Variants in CNTNAP2 observed in about 807,000 individuals in gnomAD.
The protein encoded by CNTNAP2 is contactin-associated protein-like 2.
CNTNAP2 carries 98 observed loss-of-function variants against 155.2 expected under a neutral mutation model. The ratio of observed to expected loss-of-function variants is 0.63; its 90% CI spans 0.54 to 0.75. CNTNAP2 has a LOEUF of 0.75. CNTNAP2 is among the 30% of genes least tolerant of loss of function. The pLI is 0.00. For synonymous variants in CNTNAP2, 651 were observed against 631.2 expected, an observed-to-expected ratio of 1.03 and a Z score of -0.47; for missense variants, 1,727 against 1,688.1, an observed-to-expected ratio of 1.02 and a Z score of -0.40.
chr7:146,443,677 T>A (rs1045026387), intron 1 of CNTNAP2, among the ~76,000 whole-genome samples: 2 of 152,238 alleles, frequency 1.3e-5, no homozygotes, highest in African/African-American at 2.4e-5. Flanking sequence ...AGCAGAGCTA[T>A]ATTTTATATT....
intron 3 of CNTNAP2, among the ~76,000 whole-genome samples, chr7:146,904,271 G>A (rs1796069480): frequency 6.6e-6 from 1 of 151,972 alleles, no homozygotes; most frequent in Non-Finnish European, 1.5e-5. Context: ...CTTCTCCTTG[G>A]ACCTCTATAC....
intron 9 of CNTNAP2, among the ~76,000 whole-genome samples, chr7:147,365,583 C>A (rs944845378): frequency 6.6e-6 from 1 of 151,752 alleles, no homozygotes; most frequent in African/African-American, 2.4e-5. Flanking sequence ...AGTGGTTACC[C>A]TAAAAATTAA....
At chr7:147,801,330 T>A (rs1429696250) in intron 13 of CNTNAP2, among the ~76,000 whole-genome samples, 7 of 147,692 alleles carry the variant, frequency 4.7e-5, no homozygotes, top group Non-Finnish European at 1.0e-4. Context: ...TTTTTTAATT[T>A]TTTTTTTTTT....
chr7:146,559,001 T>C (rs1798241152), intron 1 of CNTNAP2, among the ~76,000 whole-genome samples: 2 of 152,206 alleles, frequency 1.3e-5, no homozygotes, highest in South Asian at 4.1e-4. Flanking sequence ...TTGCCAACTG[T>C]CCCATAAAAC....
Position 147,756,837 on chromosome 7 carries a change from T to C in CNTNAP2, c.2098+117531T>C, listed in dbSNP as rs80017952. 3.5e-3 allele frequency among the ~76,000 whole-genome samples: 537 copies of C among 152,292 alleles called. 3 individuals carry two copies. The highest frequency in any genetic ancestry group is 0.012 in the African/African-American group (489 of 41,568). ...CAAAGAAATAAACCCTTCATCAGAA[T>C]AGGATTCTGGATCCAAGTCTCTTTG... is the stretch of plus-strand genomic sequence containing the variant. On this transcript the variant is annotated intron_variant, in intron 13 of 23. Transcript: ENST00000361727.
intron 3 of CNTNAP2, among the ~76,000 whole-genome samples, chr7:147,008,613 G>A (rs973761961): frequency 5.9e-5 from 9 of 152,046 alleles, no homozygotes; most frequent in African/African-American, 1.2e-4. Flanking sequence ...TAAGTACGCC[G>A]TCATAAGTAA....
At chr7:147,257,930 T>G (rs560684406) in intron 8 of CNTNAP2, among the ~76,000 whole-genome samples, 18 of 152,340 alleles carry the variant, frequency 1.2e-4, no homozygotes, top group African/African-American at 4.3e-4. Flanking sequence ...AAGTCTTAAG[T>G]ACATAATGAG....
intron 2 of CNTNAP2, among the ~76,000 whole-genome samples, chr7:146,813,946 C>G (rs1803116690): frequency 6.6e-6 from 1 of 152,116 alleles, no homozygotes; most frequent in African/African-American, 2.4e-5. Flanking sequence ...GCACTTCTCT[C>G]TCCTTCCACC....
chr7:146,448,784 C>A (rs979212972), intron 1 of CNTNAP2, among the ~76,000 whole-genome samples: 1 of 152,076 alleles, frequency 6.6e-6, no homozygotes, highest in Non-Finnish European at 1.5e-5. Flanking sequence ...TAACACAAAA[C>A]TTTTCTTCAC....
chr7:147,724,730 C>T (rs535555604), intron 13 of CNTNAP2, among the ~76,000 whole-genome samples: 15 of 152,022 alleles, frequency 9.9e-5, no homozygotes, highest in Non-Finnish European at 1.6e-4. Context: ...TATTACACTG[C>T]GGAAGCTAGA....
chr7:146,455,639 A>G (rs1319701708), intron 1 of CNTNAP2, among the ~76,000 whole-genome samples: 2 of 152,196 alleles, frequency 1.3e-5, no homozygotes, highest in Non-Finnish European at 2.9e-5. Context: ...CTTATGTTGA[A>G]AGGGAGAAAC....
intron 1 of CNTNAP2, among the ~76,000 whole-genome samples, chr7:146,368,432 G>A (rs1303404434): frequency 1.3e-5 from 2 of 152,158 alleles, no homozygotes; most frequent in Non-Finnish European, 2.9e-5. Context: ...ACGGTACGGT[G>A]TGGTATGGTA....
chr7:147,040,542 C>T (rs1024437354), intron 3 of CNTNAP2, among the ~76,000 whole-genome samples: 3 of 147,416 alleles, frequency 2.0e-5, no homozygotes, highest in Non-Finnish European at 4.5e-5. Flanking sequence ...CTCCCTGAAA[C>T]CCCTGCCTCC....
intron 9 of CNTNAP2, among the ~76,000 whole-genome samples, chr7:147,353,982 GTTT>G (rs144161622): frequency 2.0e-5 from 3 of 150,846 alleles, no homozygotes; most frequent in Non-Finnish European, 3.0e-5. Context: ...ACTTTTTGAT[GTTT>G]TTTTTTTTCT....
intron 15 of CNTNAP2, 23 bp downstream of exon 15, chr7:147,978,012 G>T: frequency 6.2e-7 from 1 of 1,613,486 alleles, no homozygotes; most frequent in Non-Finnish European, 8.5e-7. Context: ...AGCAGCTATG[G>T]CTTGCACTTT....
At chr7:146,146,017 C>A (rs1056785744) in intron 1 of CNTNAP2, among the ~76,000 whole-genome samples, 1 of 152,044 alleles carries the variant, frequency 6.6e-6, no homozygotes, top group African/African-American at 2.4e-5. Flanking sequence ...AAACCACTAA[C>A]CTTTAAATGA....
At chr7:148,026,512 G>C (rs1287103821) in intron 15 of CNTNAP2, among the ~76,000 whole-genome samples, 1 of 152,118 alleles carries the variant, frequency 6.6e-6, no homozygotes. Flanking sequence ...ATTCTGTGTA[G>C]GGGGAATAAA....
At chr7:147,162,545 T>G (rs1802046282) in intron 8 of CNTNAP2, among the ~76,000 whole-genome samples, 1 of 152,130 alleles carries the variant, frequency 6.6e-6, no homozygotes, top group Non-Finnish European at 1.5e-5. Context: ...GCTGAAAATA[T>G]TTGTTTATAA....
chr7:147,481,298 A>C (rs1798418623), intron 10 of CNTNAP2, among the ~76,000 whole-genome samples: 1 of 152,250 alleles, frequency 6.6e-6, no homozygotes, highest in Admixed American at 6.5e-5. Flanking sequence ...GCTTAATTAA[A>C]CAATGTCCAT....
Sources: allele counts gnomAD v4.1 joint callset (sites outside exome capture counted in the v4.1 genomes callset), GRCh38; gene constraint gnomAD v4.1.1; transcripts MANE v1.5; gene names NCBI Gene and HGNC (gene_info 2026-07-23, HGNC 2026-07-21).